The following THSD7A variants were observed in gnomAD, a reference collection of about 807,000 sequenced individuals.
THSD7A encodes the protein thrombospondin type 1 domain containing 7A.
In THSD7A, 96 loss-of-function variants were observed where a neutral mutation model predicts 231.3. The observed-to-expected ratio is 0.41, with a 90% CI of 0.35 to 0.49. The LOEUF is 0.49. Ranked by LOEUF, THSD7A falls within the 20% of genes least tolerant of loss-of-function variation. THSD7A has a pLI of 0.05. For missense variants in THSD7A, 2,290 were observed against 2,070.2 expected (o/e 1.11, Z -2.06); for synonymous variants, 940 against 743.3 (o/e 1.26, Z -4.30).
chr7:11,499,628 A>T (rs1217119810), intron 6 of THSD7A, among the ~76,000 whole-genome samples: 1 of 152,200 alleles, frequency 6.6e-6, no homozygotes, highest in Non-Finnish European at 1.5e-5. Context: ...AAAAGAATCT[A>T]ATGGGTCAGA....
chr7:11,602,766 GATGAT>G (rs1215301665), intron 2 of THSD7A, among the ~76,000 whole-genome samples: 2 of 151,748 alleles, frequency 1.3e-5, no homozygotes, highest in African/African-American at 4.8e-5. Context: ...ACAAAAAGAA[GATGAT>G]ATTTGTATTT....
At position 11,426,649 on chromosome 7, in the gene THSD7A, G is replaced by A; in HGVS notation, c.3249+17C>T. ...AGAAGGATTCTATCAAAAAGCATGA[G>A]GTTTAAGAGTTCTTACCTGTGCCTG... On this transcript the variant is annotated intron_variant, in intron 15 of 27. Transcript: ENST00000423059. The A allele has an allele frequency of 6.4e-7, 1 of 1,554,496 alleles. No homozygotes were observed. Among genetic ancestry groups the A allele is most frequent in the Non-Finnish European group, 8.6e-7 (1 of 1,156,598 alleles).
chr7:11,653,428 A>T (rs1403410775), intron 1 of THSD7A, among the ~76,000 whole-genome samples: 2 of 149,872 alleles, frequency 1.3e-5, no homozygotes, highest in Non-Finnish European at 3.0e-5. Flanking sequence ...AGAGAGGAAC[A>T]CCGAGATCCA....
chr7:11,594,684 TCA>T (rs1203687612), intron 2 of THSD7A, among the ~76,000 whole-genome samples: 1 of 152,094 alleles, frequency 6.6e-6, no homozygotes, highest in African/African-American at 2.4e-5. Context: ...AATGATAAAC[TCA>T]GGGATTCTAA....
intron 13 of THSD7A, among the ~76,000 whole-genome samples, chr7:11,443,632 A>T (rs1784872724): frequency 6.6e-6 from 1 of 151,976 alleles, no homozygotes; most frequent in Admixed American, 6.6e-5. Flanking sequence ...TACCTTAAAT[A>T]TACACAATAA....
intron 1 of THSD7A, among the ~76,000 whole-genome samples, chr7:11,681,946 C>T (rs1170423220): frequency 6.6e-6 from 1 of 151,922 alleles, no homozygotes; most frequent in Middle Eastern, 3.2e-3. Flanking sequence ...GCAACTAGGG[C>T]CTATTTTTAG....
At chr7:11,389,367 T>C (rs1048836925) in intron 23 of THSD7A, among the ~76,000 whole-genome samples, 1 of 151,182 alleles carries the variant, frequency 6.6e-6, no homozygotes, top group Non-Finnish European at 1.5e-5. Context: ...TCGTCTCTTT[T>C]GATCTTTGTT....
intron 7 of THSD7A, among the ~76,000 whole-genome samples, chr7:11,481,121 C>T (rs760554216): frequency 5.3e-5 from 8 of 152,252 alleles, no homozygotes; most frequent in Non-Finnish European, 1.0e-4. Context: ...TGGATATCAT[C>T]TTGAGAGACA....
chr7:11,778,081 C>T (rs1173538884), intron 1 of THSD7A, among the ~76,000 whole-genome samples: 6 of 133,198 alleles, frequency 4.5e-5, no homozygotes, highest in African/African-American at 1.7e-4. Flanking sequence ...GGCGTGAACC[C>T]GGGAGGCGGA....
intron 1 of THSD7A, among the ~76,000 whole-genome samples, chr7:11,648,100 C>T (rs1050868449): frequency 6.6e-6 from 1 of 152,072 alleles, no homozygotes; most frequent in Non-Finnish European, 1.5e-5. Context: ...CTAGATAAGC[C>T]ATTTGCCATT....
intron 2 of THSD7A, among the ~76,000 whole-genome samples, chr7:11,625,479 T>C (rs2128355251): frequency 6.6e-6 from 1 of 152,202 alleles, no homozygotes; most frequent in Non-Finnish European, 1.5e-5. Flanking sequence ...TGACCACATA[T>C]TTGTACTAAG....
chr7:11,777,925 G>A (rs1172607606), intron 1 of THSD7A, among the ~76,000 whole-genome samples: 3 of 151,168 alleles, frequency 2.0e-5, no homozygotes, highest in Admixed American at 6.6e-5. Flanking sequence ...CGAGGCGGGC[G>A]GATCACGAGG....
chr7:11,403,008 C>A (rs1481552531), intron 22 of THSD7A, among the ~76,000 whole-genome samples: 1 of 152,086 alleles, frequency 6.6e-6, no homozygotes, highest in Admixed American at 6.6e-5. Flanking sequence ...ATCCATGCTT[C>A]CAAAATCTTT....
At chr7:11,503,654 G>A (rs534254164) in intron 6 of THSD7A, among the ~76,000 whole-genome samples, 1 of 152,244 alleles carries the variant, frequency 6.6e-6, no homozygotes, top group South Asian at 2.1e-4. Context: ...CAAAGGACAT[G>A]AACAGACACT....
intron 6 of THSD7A, among the ~76,000 whole-genome samples, chr7:11,491,152 T>C (rs563279201): frequency 2.0e-5 from 3 of 152,248 alleles, no homozygotes; most frequent in South Asian, 2.1e-4. Flanking sequence ...ATGATCTTCA[T>C]CATTCAGTAA....
Position 11,636,603 on chromosome 7 carries a change from C to A in THSD7A, c.549G>T (p.Leu183=). 6.2e-7 allele frequency: 1 copy of A among 1,614,004 alleles called. No homozygotes were observed. The highest frequency in any genetic ancestry group is 8.5e-7 in the Non-Finnish European group (1 of 1,179,898). Residue 183 remains leucine, a synonymous_variant, in exon 2 of 28, where the codon CTG becomes CTT. Coordinates refer to ENST00000423059, the MANE Select transcript of THSD7A (RefSeq NM_015204.3). This position sits in a 1 kb window ranked among gnomAD's most constrained non-coding sequence, Gnocchi z 10.0. ...ICEYFEPKPL[L]EQACLIPCQQ... ...GGCAAGGAATGAGGCAAGCCTGCTCCAGGAGAGGCTTGGGCTCAAAGTACT... is the reference window on the plus strand; with the variant it reads ...GGCAAGGAATGAGGCAAGCCTGCTCAAGGAGAGGCTTGGGCTCAAAGTACT...
intron 1 of THSD7A, among the ~76,000 whole-genome samples, chr7:11,783,101 T>C (rs1783684352): frequency 6.6e-6 from 1 of 152,106 alleles, no homozygotes; most frequent in African/African-American, 2.4e-5. Context: ...CTTAATCCCA[T>C]CAGCAATAAC....
At chr7:11,470,830 T>C (rs1382960318) in intron 8 of THSD7A, among the ~76,000 whole-genome samples, 1 of 151,874 alleles carries the variant, frequency 6.6e-6, no homozygotes, top group Admixed American at 6.6e-5. Context: ...TATTATTTAT[T>C]GGGAACACAA....
At chr7:11,479,408 AT>A (rs1583820335) in intron 7 of THSD7A, among the ~76,000 whole-genome samples, 2 of 152,320 alleles carry the variant, frequency 1.3e-5, no homozygotes, top group African/African-American at 4.8e-5. Flanking sequence ...TAAACACTTC[AT>A]ATATCATTTC....
Sources: allele counts gnomAD v4.1 joint callset (sites outside exome capture counted in the v4.1 genomes callset), GRCh38; gene constraint gnomAD v4.1.1; non-coding constraint Gnocchi (gnomAD v3.1); transcripts MANE v1.5; gene names NCBI Gene and HGNC (gene_info 2026-07-23, HGNC 2026-07-21).